TOMM40: variants seen among roughly 807,000 people sequenced by gnomAD.
The protein encoded by TOMM40 is mitochondrial import receptor subunit TOM40 homolog.
A neutral mutation model predicts 38.4 loss-of-function variants in TOMM40; 9 were observed. The ratio of observed to expected loss-of-function variants is 0.23; its 90% CI spans 0.14 to 0.41. The LOEUF (loss-of-function observed/expected upper bound fraction) is 0.41. Ranked by LOEUF, TOMM40 falls within the 10% of genes least tolerant of loss-of-function variation. The probability of loss-of-function intolerance (pLI) is 1.00; values close to 1 mark genes in which losing one functional copy is unlikely to be tolerated. For missense variants in TOMM40, 299 were observed against 486.5 expected (o/e 0.61, Z 3.63); for synonymous variants, 184 against 210.0 (o/e 0.88, Z 1.07).
intron 5 of TOMM40, among the ~76,000 whole-genome samples, chr19:44,899,512 G>A (rs1302937238): frequency 2.6e-5 from 4 of 151,714 alleles, no homozygotes; most frequent in African/African-American, 7.3e-5. Flanking sequence ...TTTTGTATTC[G>A]CTATGTTTCC....
intron 5 of TOMM40, among the ~76,000 whole-genome samples, chr19:44,898,801 G>A (rs1323595151): frequency 2.6e-5 from 4 of 151,480 alleles, no homozygotes; most frequent in Non-Finnish European, 4.4e-5. Context: ...GCCTCCCAAA[G>A]TGCTGGAATT....
At position 44,891,339 on chromosome 19, in the gene TOMM40, T is replaced by A. The variant is rs1969457093; in HGVS notation, c.-77T>A. ...AGTGAGAACCGGGGCCGGAGCCGGG[T>A]GCGGATTTGCTGGGGCTGAGTCGGG... On this transcript the variant is annotated 5_prime_UTR_variant, in exon 1 of 9. Coordinates refer to ENST00000426677, the MANE Select transcript of TOMM40 (RefSeq NM_001128917.2). 3 of 1,217,528 alleles carry A rather than the reference T, an allele frequency of 2.5e-6. No homozygotes were observed. The highest frequency in any genetic ancestry group is 3.1e-6 in the Non-Finnish European group (3 of 977,842). The allele number at this position is 1,217,528 out of a possible 1,614,324, so 75.4% of individuals were successfully genotyped here.
intron 5 of TOMM40, among the ~76,000 whole-genome samples, chr19:44,895,740 T>G (rs1362515944): frequency 6.6e-6 from 1 of 152,008 alleles, no homozygotes; most frequent in African/African-American, 2.4e-5. Flanking sequence ...AGAGACAGGT[T>G]TTCGCCATGT....
At chr19:44,899,622 T>TG (rs886413199) in intron 5 of TOMM40, among the ~76,000 whole-genome samples, 2 of 144,706 alleles carry the variant, frequency 1.4e-5, no homozygotes, top group Non-Finnish European at 3.0e-5. Context: ...GCCTTGATTT[T>TG]TTTTTTTTTT....
chr19:44,898,116 G>A (rs1318590095), intron 5 of TOMM40, among the ~76,000 whole-genome samples: 1 of 152,070 alleles, frequency 6.6e-6, no homozygotes, highest in Non-Finnish European at 1.5e-5. Context: ...CACCCACCAG[G>A]CTCATCTTGG....
chr19:44,894,133 C>A (rs1295417806), intron 5 of TOMM40, 67 bp downstream of exon 5: 5 of 1,258,202 alleles, frequency 4.0e-6, no homozygotes, highest in South Asian at 1.6e-5. Context: ...CAAATCCACC[C>A]CATTTGTGAA....
chr19:44,899,514 T>A (rs567556997), intron 5 of TOMM40, among the ~76,000 whole-genome samples: 1 of 152,088 alleles, frequency 6.6e-6, no homozygotes, highest in East Asian at 1.9e-4. Flanking sequence ...TTGTATTCGC[T>A]ATGTTTCCCA....
chr19:44,891,466 G>C lies in TOMM40; in HGVS notation c.51G>C (p.Pro17=). Residue 17 remains proline (P), a synonymous_variant, in exon 1 of 9, where the codon CCG becomes CCC. Coordinates refer to ENST00000426677, the MANE Select transcript of TOMM40 (RefSeq NM_001128917.2). The part of the protein sequence containing the change: ...ASSPPAGPPP[P]PAPALVGLPP... ...CGCCGCCCGCAGGGCCGCCACCGCC[G>C]CCTGCGCCGGCCCTCGTGGGGCTGC... is the stretch of plus-strand genomic sequence containing the variant. 7.7e-7 allele frequency: 1 copy of C among 1,302,002 alleles called. No homozygotes were observed. The highest frequency in any genetic ancestry group is 9.7e-7 in the Non-Finnish European group (1 of 1,031,468). 80.7% of individuals were successfully genotyped at this position (1,302,002 alleles called of 1,614,324 possible).
Position 44,892,501 on chromosome 19 carries a change from C to T in TOMM40, c.342+41C>T, listed in dbSNP as rs753105699. 46 of 1,581,460 alleles carry T rather than the reference C, an allele frequency of 2.9e-5. No homozygotes were observed. In the East Asian group the frequency reaches 3.6e-4, roughly 12 times the overall value. ...GTCCTTACCCACCAGAGATCGTCCC[C>T]GCCGTCCCCCTCCCTGCATCTGCAC... On this transcript the variant is annotated intron_variant, in intron 2 of 8. Coordinates refer to ENST00000426677, the MANE Select transcript of TOMM40 (RefSeq NM_001128917.2).
intron 5 of TOMM40, among the ~76,000 whole-genome samples, chr19:44,894,903 G>T (rs1969537215): frequency 6.6e-6 from 1 of 152,236 alleles, no homozygotes; most frequent in African/African-American, 2.4e-5. Context: ...AGCTGGCGTA[G>T]AGAGCAGACT....
chr19:44,891,801 C>T, intron 1 of TOMM40, 112 bp downstream of exon 1: 1 of 1,155,064 alleles, frequency 8.7e-7, no homozygotes. Context: ...TTTAACAGCA[C>T]TAGGAGGTGA....
chr19:44,897,851 G>A (rs944088120), intron 5 of TOMM40, among the ~76,000 whole-genome samples: 5 of 151,166 alleles, frequency 3.3e-5, no homozygotes, highest in African/African-American at 4.9e-5. Context: ...TCAGACTCCT[G>A]GGCTCAAACA....
chr19:44,893,001 C>A lies in TOMM40; in HGVS notation c.435+72C>A, dbSNP rs142608136. 6,670 of 1,335,952 alleles carry A rather than the reference C, an allele frequency of 5.0e-3. 208 individuals carry two copies. Among genetic ancestry groups the A allele is most frequent in the Non-Finnish European group, 1.6e-3 (1,503 of 959,760 alleles). 82.8% of individuals were successfully genotyped at this position (1,335,952 alleles called of 1,614,324 possible). On this transcript the variant is annotated intron_variant, in intron 3 of 8. Transcript: ENST00000426677. ...TTTGTAGCCAAATGTCAAGCTAAGA[C>A]GGCCTCATCAGGAAAAGGTCACAGC...
At chr19:44,898,611 T>C (rs118170342) in intron 5 of TOMM40, among the ~76,000 whole-genome samples, 6,267 of 149,156 alleles carry the variant, frequency 0.042, 156 homozygotes, top group African/African-American at 0.063. Context: ...AATCTCAGCT[T>C]ACTGCAACTT....
intron 5 of TOMM40, among the ~76,000 whole-genome samples, chr19:44,899,119 C>T (rs1353427420): frequency 5.0e-5 from 7 of 139,738 alleles, no homozygotes; most frequent in African/African-American, 1.1e-4. Flanking sequence ...GGCGACAGAG[C>T]GAGACTCCAT....
intron 5 of TOMM40, among the ~76,000 whole-genome samples, chr19:44,897,788 AAAAG>A (rs1024215158): frequency 6.8e-6 from 1 of 147,178 alleles, no homozygotes; most frequent in Non-Finnish European, 1.5e-5. Context: ...AAAAAAAAAA[AAAAG>A]AGAGAGAGAG....
chr19:44,895,156 G>A lies in TOMM40; in HGVS notation c.643+1090G>A, dbSNP rs544597055. Among the ~76,000 whole-genome samples the A allele has an allele frequency of 3.3e-5, 5 of 152,286 alleles. No homozygotes were observed. In the East Asian group the frequency reaches 7.7e-4, roughly 24 times the overall value. On this transcript the variant is annotated intron_variant, in intron 5 of 8. Coordinates refer to ENST00000426677, the MANE Select transcript of TOMM40 (RefSeq NM_001128917.2). The stretch of plus-strand genomic sequence containing the variant: ...TCCTGAGTGAATGACTCGTGCAGGC[G>A]GGGAGGGGAGCTAGGGTTGGCCTTG...
At chr19:44,893,634 A>G in intron 3 of TOMM40, 146 bp from the exon 4 acceptor site, 1 of 629,776 alleles carries the variant, frequency 1.6e-6, no homozygotes, top group South Asian at 2.1e-5. Flanking sequence ...CGGGGAGCCT[A>G]ACTCAGCTTA....
At chr19:44,895,376 G>C (rs11668327) in intron 5 of TOMM40, among the ~76,000 whole-genome samples, 18,108 of 152,132 alleles carry the variant, frequency 0.12, 1,472 homozygotes, top group Middle Eastern at 0.28. Flanking sequence ...GAAAACCCAG[G>C]AGACAGGGAA....
Sources: gnomAD v4.1 joint callset for allele counts (sites outside exome capture counted in the v4.1 genomes callset) on GRCh38, gnomAD v4.1.1 for gene constraint, MANE v1.5 for transcripts, NCBI Gene and HGNC (gene_info 2026-07-23, HGNC 2026-07-21) for gene names.